ROS1: variants seen among roughly 807,000 people sequenced by gnomAD.
The protein encoded by ROS1 is proto-oncogene tyrosine-protein kinase ROS.
Under a neutral mutation model 273.5 loss-of-function variants are expected in ROS1, and 263 were observed. The ratio of observed to expected loss-of-function variants is 0.96; its 90% CI spans 0.87 to 1.06. ROS1 has a LOEUF of 1.06. ROS1 is among the 50% of genes least tolerant of loss of function. The pLI is 0.00. For synonymous variants in ROS1, 1,008 were observed against 954.1 expected (o/e 1.06, Z -1.04); for missense variants, 2,833 against 2,751.1 (o/e 1.03, Z -0.67).
rs368656630 is a variant in ROS1 at position 117,395,384 on chromosome 6, C to T, written c.884-646G>A. On this transcript the variant is annotated intron_variant, in intron 9 of 43. Coordinates refer to ENST00000368507, the MANE Select transcript of ROS1 (RefSeq NM_001378902.1). ...TACATAACAAAAATACCTCTCCTTT[C>T]CTAGAGTCTAGGAACAGCCAAAAAA... Among the ~76,000 whole-genome samples the T allele has an allele frequency of 1.4e-4, 22 of 152,286 alleles. No individual in the cohort carries two copies. The East Asian group carries it at 3.1e-3, about 21-fold the overall frequency.
chr6:117,360,820 A>C (rs1026782181), intron 22 of ROS1, among the ~76,000 whole-genome samples: 3 of 152,152 alleles, frequency 2.0e-5, no homozygotes, highest in Admixed American at 6.6e-5. Context: ...AAGTAAGGTC[A>C]TTATTTTCAA....
At chr6:117,335,638 A>G (rs1377054777) in intron 32 of ROS1, among the ~76,000 whole-genome samples, 2 of 152,236 alleles carry the variant, frequency 1.3e-5, no homozygotes, top group African/African-American at 2.4e-5. Flanking sequence ...CATATACACC[A>G]TGGAATACTA....
intron 1 of ROS1, among the ~76,000 whole-genome samples, chr6:117,420,991 C>T (rs1775710455): frequency 6.6e-6 from 1 of 151,774 alleles, no homozygotes; most frequent in Admixed American, 6.6e-5. Context: ...TATCCATTTA[C>T]ATCCAACCAA....
chr6:117,382,743 G>A (rs951388755), intron 17 of ROS1, among the ~76,000 whole-genome samples: 1 of 152,006 alleles, frequency 6.6e-6, no homozygotes, highest in African/African-American at 2.4e-5. Flanking sequence ...TAACTACGGA[G>A]CATTTACTTT....
At chr6:117,352,866 G>T in intron 27 of ROS1, 124 bp downstream of exon 27, 1 of 810,632 alleles carries the variant, frequency 1.2e-6, no homozygotes, top group South Asian at 1.8e-5. Flanking sequence ...GACTAGCAGA[G>T]TTTGGAGCAA....
intron 28 of ROS1, 25 bp downstream of exon 28, chr6:117,344,035 C>T (rs778140761): frequency 1.1e-5 from 17 of 1,563,044 alleles, no homozygotes; most frequent in East Asian, 2.2e-5. Context: ...TGTGAAAAGA[C>T]AAAGACCACT....
intron 27 of ROS1, among the ~76,000 whole-genome samples, chr6:117,345,944 C>A (rs907040696): frequency 6.6e-6 from 1 of 152,126 alleles, no homozygotes; most frequent in Non-Finnish European, 1.5e-5. Context: ...AAATCTCCAA[C>A]AACAGTGTCA....
At chr6:117,299,208 G>C in intron 43 of ROS1, among the ~76,000 whole-genome samples, 1 of 152,234 alleles carries the variant, frequency 6.6e-6, no homozygotes, top group East Asian at 1.9e-4. Flanking sequence ...TTGGCAGTTT[G>C]TGTTGAAGAA....
In ROS1 at chr6:117,315,510, A is replaced by G. The variant is rs541440832; in HGVS notation, c.6117+1633T>C. On this transcript the variant is annotated intron_variant, in intron 39 of 43. Coordinates refer to ENST00000368507, the MANE Select transcript of ROS1 (RefSeq NM_001378902.1). ...TAATAAGCTCAGGAATCAGAGTGGC[A>G]TAAGAATTCTTATTGGCAATTGTAG... Among the ~76,000 whole-genome samples the G allele has an allele frequency of 2.8e-3, 422 of 152,270 alleles. 1 individual carries two copies. Among genetic ancestry groups the G allele is most frequent in the African/African-American group, 9.2e-3 (382 of 41,564 alleles).
At position 117,341,617 on chromosome 6, in the gene ROS1, T is replaced by A; in HGVS notation, c.4667A>T (p.Gln1556Leu). 1.9e-6 allele frequency: 3 copies of A among 1,612,754 alleles called. No homozygotes were observed. Among genetic ancestry groups the A allele is most frequent in the Non-Finnish European group, 2.5e-6 (3 of 1,178,904 alleles). ...KTKNGVPEAV[Q>L]LINTTVRSDT... Reference sequence around the variant, plus strand: ...TGACCGCACAGTTGTATTAATGAGCTGCACTGCCTCTGGTACTGAAATAAA... The same window carrying A: ...TGACCGCACAGTTGTATTAATGAGCAGCACTGCCTCTGGTACTGAAATAAA... Residue 1556 changes from glutamine (Q) to leucine (L), a missense_variant, in exon 30 of 44, where the codon CAG (glutamine) becomes CTG (leucine). Gln to Leu is a moderately radical substitution (Grantham distance 113, BLOSUM62 -2). Transcript: ENST00000368507.
At chr6:117,289,455 TAAGG>T in intron 43 of ROS1, among the ~76,000 whole-genome samples, 1 of 152,144 alleles carries the variant, frequency 6.6e-6, no homozygotes, top group East Asian at 1.9e-4. Context: ...TTCAAAAGAC[TAAGG>T]GAGGTACCAG....
intron 42 of ROS1, among the ~76,000 whole-genome samples, chr6:117,302,263 G>A (rs1396280152): frequency 1.3e-5 from 2 of 152,068 alleles, no homozygotes; most frequent in Non-Finnish European, 2.9e-5. Flanking sequence ...GTCTTTTCTG[G>A]ATAATAACCC....
At chr6:117,292,997 T>C (rs1773953190) in intron 43 of ROS1, among the ~76,000 whole-genome samples, 1 of 152,204 alleles carries the variant, frequency 6.6e-6, no homozygotes, top group African/African-American at 2.4e-5. Context: ...CAAAGTGCAG[T>C]TCTATGAATA....
rs1464698341 is a variant in ROS1, at chr6:117,414,506, A to G, written c.255+13T>C. The G allele has an allele frequency of 1.3e-6, 1 of 744,060 alleles. No individual in the cohort carries two copies. Among genetic ancestry groups the G allele is most frequent in the Admixed American group, 2.1e-5 (1 of 46,566 alleles). 46.1% of individuals were successfully genotyped at this position (744,060 alleles called of 1,614,324 possible). A position where few individuals can be genotyped will look rare whatever the true frequency, so the allele number is the denominator to read the frequency against. ...GTGGCTTGATTACATCTTTTTTGTG[A>G]TTGCCAACTCACCTCACAAACGGTG... On this transcript the variant is annotated intron_variant, in intron 4 of 43. Coordinates refer to ENST00000368507, the MANE Select transcript of ROS1 (RefSeq NM_001378902.1).
chr6:117,424,232 T>C (rs531443579), intron 1 of ROS1, among the ~76,000 whole-genome samples: 1 of 152,078 alleles, frequency 6.6e-6, no homozygotes, highest in African/African-American at 2.4e-5. Flanking sequence ...TCTAAAAAAA[T>C]CTCAGGGTCT....
At chr6:117,394,099 TA>T in intron 11 of ROS1, 62 bp downstream of exon 11, 1 of 1,075,076 alleles carries the variant, frequency 9.3e-7, no homozygotes, top group South Asian at 1.8e-5. Context: ...GTATTAAATA[TA>T]CCAAGATATG....
intron 22 of ROS1, among the ~76,000 whole-genome samples, chr6:117,362,390 T>A (rs1267735094): frequency 6.6e-6 from 1 of 152,090 alleles, no homozygotes; most frequent in Non-Finnish European, 1.5e-5. Context: ...CCTCAAAAGG[T>A]CCACTTTCCA....
At chr6:117,412,466 G>T (rs944350371) in intron 4 of ROS1, among the ~76,000 whole-genome samples, 2 of 152,076 alleles carry the variant, frequency 1.3e-5, no homozygotes, top group Non-Finnish European at 2.9e-5. Flanking sequence ...TCACTTTCAA[G>T]ATTATTCTTT....
chr6:117,394,511 G>A lies in ROS1; in HGVS notation c.1006+105C>T, dbSNP rs186535080. On this transcript the variant is annotated intron_variant, in intron 10 of 43. Transcript: ENST00000368507. Reference sequence around the variant, plus strand: ...TTATTCTAATATATTAGGATATTAAGAGAATATGTTCCAGAAATATTCAAA... The same window carrying A: ...TTATTCTAATATATTAGGATATTAAAAGAATATGTTCCAGAAATATTCAAA... The A allele has an allele frequency of 1.1e-4, 109 of 949,422 alleles. 1 individual carries two copies. The highest frequency in any genetic ancestry group is 1.3e-4 in the Non-Finnish European group (89 of 697,376). 58.8% of individuals were successfully genotyped at this position (949,422 alleles called of 1,614,324 possible).
Sources: allele counts gnomAD v4.1 joint callset (sites outside exome capture counted in the v4.1 genomes callset), GRCh38; gene constraint gnomAD v4.1.1; transcripts MANE v1.5; gene names NCBI Gene and HGNC (gene_info 2026-07-23, HGNC 2026-07-21).